The following USH2A variants were observed in gnomAD, a reference collection of about 807,000 sequenced individuals.
The protein encoded by USH2A is Usher syndrome 2A (autosomal recessive, mild).
Under a neutral mutation model 538.9 loss-of-function variants are expected in USH2A, and 443 were observed. The ratio of observed to expected loss-of-function variants is 0.82; its 90% CI spans 0.76 to 0.89. USH2A has a LOEUF of 0.89. Among genes scored for constraint, USH2A ranks in the 40% least tolerant of loss-of-function variants. USH2A has a pLI of 0.00. For missense variants in USH2A, 6,633 were observed against 6,324.8 expected (o/e 1.05, Z -1.65); for synonymous variants, 2,413 against 2,273.5 (o/e 1.06, Z -1.75).
At chr1:216,242,618 C>T (rs929042239) in intron 13 of USH2A, among the ~76,000 whole-genome samples, 1 of 152,004 alleles carries the variant, frequency 6.6e-6, no homozygotes, top group African/African-American at 2.4e-5. Context: ...TTCACTTCAC[C>T]ATTCCTCCTT....
chr1:216,234,763 A>G (rs984564755), intron 13 of USH2A, among the ~76,000 whole-genome samples: 2 of 152,184 alleles, frequency 1.3e-5, no homozygotes, highest in Non-Finnish European at 2.9e-5. Context: ...GAAATGATGT[A>G]TTAGATAAAC....
intron 49 of USH2A, among the ~76,000 whole-genome samples, chr1:215,808,456 T>C (rs1662565483): frequency 6.6e-6 from 1 of 152,094 alleles, no homozygotes; most frequent in East Asian, 1.9e-4. Context: ...CATTTAAAAA[T>C]ATTATTCAGG....
At chr1:216,244,911 T>C (rs1264850572) in intron 13 of USH2A, among the ~76,000 whole-genome samples, 2 of 152,204 alleles carry the variant, frequency 1.3e-5, no homozygotes, top group African/African-American at 2.4e-5. Flanking sequence ...TAACAATTGA[T>C]AATTACTCAA....
intron 21 of USH2A, among the ~76,000 whole-genome samples, chr1:216,106,510 AT>A (rs2032736914): frequency 6.6e-6 from 1 of 151,330 alleles, no homozygotes; most frequent in African/African-American, 2.4e-5. Context: ...ATATCGATAG[AT>A]TTTTAAAATT....
At chr1:216,334,229 T>C (rs536840190) in intron 4 of USH2A, among the ~76,000 whole-genome samples, 4 of 152,122 alleles carry the variant, frequency 2.6e-5, no homozygotes, top group Non-Finnish European at 5.9e-5. Context: ...AAAAACTATA[T>C]AGGTGCAAAA....
intron 43 of USH2A, among the ~76,000 whole-genome samples, chr1:215,872,228 A>G: frequency 6.6e-6 from 1 of 152,232 alleles, no homozygotes; most frequent in Non-Finnish European, 1.5e-5. Context: ...ACAAAGAAAA[A>G]TGAAATGCAA....
chr1:215,711,803 C>T (rs1018520260), intron 61 of USH2A, among the ~76,000 whole-genome samples: 1 of 152,174 alleles, frequency 6.6e-6, no homozygotes, highest in African/African-American at 2.4e-5. Flanking sequence ...ATTGACCACA[C>T]TCTATTTCAC....
At chr1:216,062,758 G>T (rs573634655) in intron 30 of USH2A, among the ~76,000 whole-genome samples, 1 of 152,140 alleles carries the variant, frequency 6.6e-6, no homozygotes, top group Non-Finnish European at 1.5e-5. Context: ...CTACTAAAAT[G>T]AGGAAGACAA....
intron 70 of USH2A, among the ~76,000 whole-genome samples, chr1:215,632,521 G>A (rs1656315650): frequency 6.6e-6 from 1 of 152,150 alleles, no homozygotes; most frequent in African/African-American, 2.4e-5. Flanking sequence ...TATAGGGACT[G>A]GGTCAAAGGA....
chr1:215,709,645 TAAAA>T (rs5780846), intron 61 of USH2A, among the ~76,000 whole-genome samples: 51,033 of 126,892 alleles, frequency 0.4, 10,015 homozygotes, highest in Non-Finnish European at 0.46. Context: ...AGATAATTTG[TAAAA>T]AAAAAAAAAA....
chr1:216,000,933 T>C (rs949515660), intron 32 of USH2A, among the ~76,000 whole-genome samples: 1 of 152,184 alleles, frequency 6.6e-6, no homozygotes, highest in Non-Finnish European at 1.5e-5. Flanking sequence ...CAACAGGAGT[T>C]GCCTTTGAAA....
chr1:216,215,844 T>A (rs1572058547), intron 15 of USH2A, among the ~76,000 whole-genome samples: 1 of 152,196 alleles, frequency 6.6e-6, no homozygotes, highest in Non-Finnish European at 1.5e-5. Context: ...AATGTCCAGT[T>A]AATAAAACAT....
At chr1:215,920,347 C>A (rs1666065773) in intron 38 of USH2A, among the ~76,000 whole-genome samples, 1 of 152,060 alleles carries the variant, frequency 6.6e-6, no homozygotes, top group African/African-American at 2.4e-5. Context: ...CACAACCAGT[C>A]TGCTGTTTCC....
intron 21 of USH2A, among the ~76,000 whole-genome samples, chr1:216,129,219 T>G (rs1289170334): frequency 2.0e-5 from 3 of 152,072 alleles, no homozygotes; most frequent in Non-Finnish European, 4.4e-5. Flanking sequence ...AACATGAGAG[T>G]GTAAATATCT....
rs1300838050 is a variant in USH2A at position 215,623,808 on chromosome 1, T to C, written c.*1973A>G. On this transcript the variant is annotated 3_prime_UTR_variant, in exon 72 of 72. Coordinates refer to ENST00000307340, the MANE Select transcript of USH2A (RefSeq NM_206933.4). ...TTGGAAAAATACACAGTGATAAAGATACCTGGTTAATTTTTCAAAAATCAG... is the reference window on the plus strand; with the variant it reads ...TTGGAAAAATACACAGTGATAAAGACACCTGGTTAATTTTTCAAAAATCAG... 6.6e-6 allele frequency: 1 copy of C among 152,192 alleles called. No homozygotes were observed. 9.4% of individuals were successfully genotyped at this position (152,192 alleles called of 1,614,324 possible). A position where few individuals can be genotyped will look rare whatever the true frequency, so the allele number is the denominator to read the frequency against.
At chr1:216,407,446 G>A (rs746123569) in intron 3 of USH2A, among the ~76,000 whole-genome samples, 4 of 151,870 alleles carry the variant, frequency 2.6e-5, no homozygotes, top group Non-Finnish European at 5.9e-5. Context: ...GGCTTATGTG[G>A]ATATTTAAAC....
At chr1:215,905,915 G>T (rs1333472827) in intron 38 of USH2A, among the ~76,000 whole-genome samples, 1 of 151,950 alleles carries the variant, frequency 6.6e-6, no homozygotes, top group East Asian at 1.9e-4. Context: ...TCGCTGAATA[G>T]CCTGGCACAT....
In USH2A at chr1:216,188,508, T is replaced by C. The variant is rs114278573; in HGVS notation, c.4396+1715A>G. 8.6e-3 allele frequency among the ~76,000 whole-genome samples: 1,310 copies of C among 151,942 alleles called. 6 individuals carry two copies. Among genetic ancestry groups the C allele is most frequent in the Middle Eastern group, 0.031 (9 of 294 alleles). On this transcript the variant is annotated intron_variant, in intron 20 of 71. Coordinates refer to ENST00000307340, the MANE Select transcript of USH2A (RefSeq NM_206933.4). The stretch of plus-strand genomic sequence containing the variant: ...AGAAAAGACTTGGGTGGATATAATG[T>C]TATTGAAAATGTTATTGGAAGGATG...
intron 43 of USH2A, among the ~76,000 whole-genome samples, chr1:215,870,749 T>C (rs1036137770): frequency 6.6e-6 from 1 of 152,158 alleles, no homozygotes; most frequent in Admixed American, 6.5e-5. Context: ...AAAAAAAGAA[T>C]GTATTAGTTG....
Sources: allele counts gnomAD v4.1 joint callset (sites outside exome capture counted in the v4.1 genomes callset), GRCh38; gene constraint gnomAD v4.1.1; transcripts MANE v1.5; gene names NCBI Gene and HGNC (gene_info 2026-07-23, HGNC 2026-07-21).